MTSS1: variants seen among roughly 807,000 people sequenced by gnomAD.
MTSS1 encodes MTSS I-BAR domain containing 1.
Under a neutral mutation model 79.0 loss-of-function variants are expected in MTSS1, and 18 were observed. The ratio of observed to expected loss-of-function variants is 0.23; its 90% CI spans 0.16 to 0.34. The LOEUF (loss-of-function observed/expected upper bound fraction) is 0.34, where lower values mean the gene tolerates loss of function less well. MTSS1 is among the 10% of genes least tolerant of loss of function. MTSS1 has a pLI of 1.00. For synonymous variants in MTSS1, 341 were observed against 368.6 expected (o/e 0.93, Z 0.86); for missense variants, 815 against 986.2 (o/e 0.83, Z 2.33).
intron 10 of MTSS1, among the ~76,000 whole-genome samples, chr8:124,562,439 T>C (rs1365534343): frequency 1.3e-5 from 2 of 152,196 alleles, no homozygotes; most frequent in Non-Finnish European, 2.9e-5. Flanking sequence ...GTGTCCCCAT[T>C]GTGCAATGCC....
intron 3 of MTSS1, among the ~76,000 whole-genome samples, chr8:124,638,070 T>G (rs1194479920): frequency 1.3e-5 from 2 of 152,274 alleles, no homozygotes; most frequent in African/African-American, 4.8e-5. Flanking sequence ...ACATTTCCCC[T>G]ATGGGGTCTC....
chr8:124,680,324 G>A (rs1233229822), intron 3 of MTSS1, among the ~76,000 whole-genome samples: 1 of 152,218 alleles, frequency 6.6e-6, no homozygotes, highest in African/African-American at 2.4e-5. Flanking sequence ...CCTGGGTAGG[G>A]AAGGGCAGGA....
At chr8:124,721,492 C>T (rs1288276644) in intron 1 of MTSS1, among the ~76,000 whole-genome samples, 1 of 146,564 alleles carries the variant, frequency 6.8e-6, no homozygotes. Context: ...TCATTGCAAC[C>T]TCTGCCTCCC....
chr8:124,565,281 C>A (rs1453018939), intron 9 of MTSS1, among the ~76,000 whole-genome samples: 2 of 152,196 alleles, frequency 1.3e-5, no homozygotes, highest in Non-Finnish European at 2.9e-5. Flanking sequence ...TTACTTCCTT[C>A]GTTTGTTCTG....
At chr8:124,636,315 G>C (rs901581763) in intron 3 of MTSS1, among the ~76,000 whole-genome samples, 3 of 152,158 alleles carry the variant, frequency 2.0e-5, no homozygotes, top group Non-Finnish European at 1.5e-5. Flanking sequence ...ATTTTTAGTT[G>C]AGATGGGGTT....
intron 1 of MTSS1, among the ~76,000 whole-genome samples, chr8:124,709,206 C>A (rs1830804048): frequency 6.6e-6 from 1 of 152,132 alleles, no homozygotes; most frequent in Non-Finnish European, 1.5e-5. Flanking sequence ...AAACCCGCAA[C>A]CCAAGACACT....
At chr8:124,616,591 T>C (rs1181366061) in intron 3 of MTSS1, among the ~76,000 whole-genome samples, 1 of 152,158 alleles carries the variant, frequency 6.6e-6, no homozygotes, top group Non-Finnish European at 1.5e-5. Flanking sequence ...AAACGGATAG[T>C]TCCCAGGTAT....
At chr8:124,555,252 T>C (rs902738495) in intron 13 of MTSS1, among the ~76,000 whole-genome samples, 32 of 152,068 alleles carry the variant, frequency 2.1e-4, no homozygotes, top group African/African-American at 7.5e-4. Flanking sequence ...TTATTTATTA[T>C]TATTTTTTTT....
At chr8:124,598,860 G>C (rs1833228622) in intron 3 of MTSS1, among the ~76,000 whole-genome samples, 1 of 152,210 alleles carries the variant, frequency 6.6e-6, no homozygotes, top group Admixed American at 6.5e-5. Context: ...GCATCAGCAG[G>C]ATCTAAGGCC....
intron 6 of MTSS1, among the ~76,000 whole-genome samples, chr8:124,575,249 G>A (rs765633300): frequency 5.9e-5 from 9 of 152,082 alleles, no homozygotes; most frequent in African/African-American, 9.7e-5. Flanking sequence ...AATCCAACCC[G>A]AAATCAAAAG....
intron 3 of MTSS1, among the ~76,000 whole-genome samples, chr8:124,695,018 A>C (rs1303890177): frequency 6.6e-6 from 1 of 151,906 alleles, no homozygotes; most frequent in African/African-American, 2.4e-5. Context: ...CTTTCATTTA[A>C]AAAAAATGAA....
At chr8:124,599,720 G>A (rs1030335923) in intron 3 of MTSS1, among the ~76,000 whole-genome samples, 10 of 151,830 alleles carry the variant, frequency 6.6e-5, no homozygotes, top group Non-Finnish European at 1.0e-4. Flanking sequence ...CCTCCAAAAC[G>A]GTCTTGGGGC....
At chr8:124,701,047 C>A (rs1012200954) in intron 2 of MTSS1, among the ~76,000 whole-genome samples, 1 of 151,996 alleles carries the variant, frequency 6.6e-6, no homozygotes, top group African/African-American at 2.4e-5. Context: ...GGGCAACATA[C>A]TAAGACTCCA....
chr8:124,692,257 T>C (rs1249186258), intron 3 of MTSS1, among the ~76,000 whole-genome samples: 2 of 152,064 alleles, frequency 1.3e-5, no homozygotes. Flanking sequence ...CTCTAACTCC[T>C]GACATCAAGT....
intron 3 of MTSS1, among the ~76,000 whole-genome samples, chr8:124,676,871 C>T (rs78026740): frequency 3.9e-5 from 6 of 152,278 alleles, no homozygotes; most frequent in African/African-American, 7.2e-5. Context: ...ACAAAACACA[C>T]GCTGATGAAA....
intron 3 of MTSS1, among the ~76,000 whole-genome samples, chr8:124,605,794 C>T (rs546990275): frequency 3.9e-5 from 6 of 152,090 alleles, no homozygotes; most frequent in Non-Finnish European, 7.4e-5. Context: ...CAGAATATAG[C>T]GACTTTATCA....
chr8:124,664,683 C>T lies in MTSS1; in HGVS notation c.208+34843G>A, dbSNP rs553926744. On this transcript the variant is annotated intron_variant, in intron 3 of 13. Transcript: ENST00000518547. Reference sequence around the variant, plus strand: ...CCCTCTACTCTAAAATAGCAAAATCCGCAACGAGAGCACTTGACTAGTAGC... The same window carrying T: ...CCCTCTACTCTAAAATAGCAAAATCTGCAACGAGAGCACTTGACTAGTAGC... Among the ~76,000 whole-genome samples, 19 of 152,264 alleles carry T rather than the reference C, an allele frequency of 1.2e-4. No homozygotes were observed. In the South Asian group the frequency reaches 2.1e-3, roughly 17 times the overall value.
At chr8:124,653,235 A>T (rs748253820) in intron 3 of MTSS1, among the ~76,000 whole-genome samples, 1 of 152,166 alleles carries the variant, frequency 6.6e-6, no homozygotes, top group Non-Finnish European at 1.5e-5. Flanking sequence ...CAGCCCTCTG[A>T]GGGGTGACAA....
At chr8:124,557,643 G>A in intron 11 of MTSS1, 38 bp downstream of exon 11, 1 of 1,517,230 alleles carries the variant, frequency 6.6e-7, no homozygotes, top group African/African-American at 1.4e-5. Flanking sequence ...GAGCACAGAG[G>A]CAATGACGGG....
Sources: gnomAD v4.1 joint callset for allele counts (sites outside exome capture counted in the v4.1 genomes callset) on GRCh38, gnomAD v4.1.1 for gene constraint, MANE v1.5 for transcripts, NCBI Gene and HGNC (gene_info 2026-07-23, HGNC 2026-07-21) for gene names.